The following OTUD7A variants were observed in gnomAD, a reference collection of about 807,000 sequenced individuals.
OTUD7A encodes the protein OTU deubiquitinase 7A, also known as OTU domain-containing protein 7A.
OTUD7A carries 12 observed loss-of-function variants against 65.7 expected under a neutral mutation model. That is an observed-to-expected ratio of 0.18 (90% CI 0.12 to 0.30). The LOEUF (loss-of-function observed/expected upper bound fraction) is 0.30. OTUD7A is among the 10% of genes least tolerant of loss of function. The probability of loss-of-function intolerance (pLI) is 1.00; values close to 1 mark genes in which losing one functional copy is unlikely to be tolerated. For missense variants in OTUD7A, 1,148 were observed against 1,304.8 expected, an observed-to-expected ratio of 0.88 and a Z score of 1.85; for synonymous variants, 641 against 586.3, an observed-to-expected ratio of 1.09 and a Z score of -1.35.
intron 1 of OTUD7A, among the ~76,000 whole-genome samples, chr15:31,860,619 G>A (rs1353485365): frequency 3.8e-5 from 1 of 26,250 alleles, no homozygotes; most frequent in Non-Finnish European, 9.9e-5. Context: ...CCCCAGAAGT[G>A]GAGATATATA....
intron 3 of OTUD7A, among the ~76,000 whole-genome samples, chr15:31,652,208 TCA>T (rs1891861006): frequency 6.6e-6 from 1 of 152,220 alleles, no homozygotes; most frequent in Non-Finnish European, 1.5e-5. Context: ...TGGCTTTTCG[TCA>T]AATTGCAAAG....
intron 1 of OTUD7A, among the ~76,000 whole-genome samples, chr15:31,697,769 GC>G (rs2141324615): frequency 6.6e-6 from 1 of 152,302 alleles, no homozygotes; most frequent in Non-Finnish European, 1.5e-5. Context: ...GAGACAACCT[GC>G]CCAGGGTCAC....
chr15:31,645,636 T>C (rs1891639888), intron 3 of OTUD7A, among the ~76,000 whole-genome samples: 2 of 152,252 alleles, frequency 1.3e-5, no homozygotes, highest in Admixed American at 1.3e-4. Flanking sequence ...AAATATCCAG[T>C]AAATGTTAAG....
In OTUD7A at chr15:31,737,944, T is replaced by A. The variant is rs140400218; in HGVS notation, c.-99-80867A>T. Reference sequence around the variant, plus strand: ...TTATAAAAGTGCATATTTATGTTCATAAATGTATAGGTGTAGCTGGTAGTT... The same window carrying A: ...TTATAAAAGTGCATATTTATGTTCAAAAATGTATAGGTGTAGCTGGTAGTT... On this transcript the variant is annotated intron_variant, in intron 1 of 12. Coordinates refer to ENST00000307050, the MANE Select transcript of OTUD7A (RefSeq NM_001382637.1). 5.0e-3 allele frequency among the ~76,000 whole-genome samples: 767 copies of A among 152,350 alleles called. 6 individuals carry two copies. Among genetic ancestry groups the A allele is most frequent in the African/African-American group, 0.016 (680 of 41,580 alleles).
intron 1 of OTUD7A, among the ~76,000 whole-genome samples, chr15:31,736,176 T>C (rs1040066271): frequency 6.6e-5 from 10 of 152,146 alleles, no homozygotes; most frequent in East Asian, 5.8e-4. Context: ...AAGTTTACCT[T>C]TGTAACAAAC....
chr15:31,728,459 A>G (rs754034541), intron 1 of OTUD7A, among the ~76,000 whole-genome samples: 2 of 152,178 alleles, frequency 1.3e-5, no homozygotes, highest in Admixed American at 6.5e-5. Flanking sequence ...TTAATTCTAC[A>G]GTTACAGAGA....
At chr15:31,579,128 A>G (rs1401113458) in intron 3 of OTUD7A, among the ~76,000 whole-genome samples, 1 of 152,224 alleles carries the variant, frequency 6.6e-6, no homozygotes, top group Non-Finnish European at 1.5e-5. Context: ...CTCATATCAC[A>G]TACAAGAGGT....
At chr15:31,758,667 G>A (rs1894879488) in intron 1 of OTUD7A, among the ~76,000 whole-genome samples, 2 of 152,180 alleles carry the variant, frequency 1.3e-5, no homozygotes, top group South Asian at 4.1e-4. Flanking sequence ...CCCATAGTGG[G>A]GAGGATTATT....
intron 1 of OTUD7A, chr15:31,766,358 TAACA>T: frequency 6.3e-7 from 1 of 1,592,578 alleles, no homozygotes; most frequent in Middle Eastern, 1.7e-4. Flanking sequence ...GTGGGGGAAA[TAACA>T]AACAACATAA....
At chr15:31,593,124 A>C (rs922327107) in intron 3 of OTUD7A, among the ~76,000 whole-genome samples, 2 of 151,770 alleles carry the variant, frequency 1.3e-5, no homozygotes, top group Non-Finnish European at 1.5e-5. Context: ...CAGTAGATTT[A>C]TTTGCAGCAT....
At chr15:31,537,285 C>A (rs1297350010) in intron 5 of OTUD7A, among the ~76,000 whole-genome samples, 1 of 152,170 alleles carries the variant, frequency 6.6e-6, no homozygotes, top group Admixed American at 6.5e-5. Context: ...GGTTAAGATT[C>A]AGTGATTCCA....
At chr15:31,582,979 T>C (rs1889417246) in intron 3 of OTUD7A, among the ~76,000 whole-genome samples, 1 of 152,176 alleles carries the variant, frequency 6.6e-6, no homozygotes, top group African/African-American at 2.4e-5. Flanking sequence ...AAGAAGGAAG[T>C]TGCATGTACA....
chr15:31,852,820 C>A (rs1897464167), intron 1 of OTUD7A, among the ~76,000 whole-genome samples: 1 of 152,194 alleles, frequency 6.6e-6, no homozygotes, highest in Admixed American at 6.5e-5. Context: ...ATTTAATATT[C>A]ATTACATTAA....
chr15:31,807,746 A>G (rs1896307530), intron 1 of OTUD7A, among the ~76,000 whole-genome samples: 1 of 152,042 alleles, frequency 6.6e-6, no homozygotes, highest in African/African-American at 2.4e-5. Context: ...TTTGATTAAG[A>G]TGCTTTCATT....
At chr15:31,535,918 G>A (rs1012502236) in intron 5 of OTUD7A, among the ~76,000 whole-genome samples, 6 of 151,934 alleles carry the variant, frequency 3.9e-5, no homozygotes, top group African/African-American at 1.5e-4. Context: ...CTGACCTCGT[G>A]ATCCGCCCAC....
intron 4 of OTUD7A, 36 bp from the exon 5 acceptor site, chr15:31,559,223 G>A: frequency 6.3e-7 from 1 of 1,587,508 alleles, no homozygotes; most frequent in Non-Finnish European, 8.6e-7. Context: ...CCCAAGGGCT[G>A]AGTGGGTGTA....
At position 31,601,488 on chromosome 15, in the gene OTUD7A, T is replaced by C. The variant is rs372469784; in HGVS notation, c.152-31291A>G. Among the ~76,000 whole-genome samples the C allele has an allele frequency of 1.8e-4, 28 of 152,256 alleles. 1 individual carries two copies. The East Asian group carries it at 1.9e-3, about 10-fold the overall frequency. On this transcript the variant is annotated intron_variant, in intron 3 of 12. Transcript: ENST00000307050. ...GTAGAGGGAAATTTATAGCACTAAA[T>C]GCCCACAAGAGAAAGCAGGAAAGAT...
In OTUD7A at chr15:31,511,427, T is replaced by A. The variant is rs1251149634; in HGVS notation, c.894-7609A>T. The stretch of plus-strand genomic sequence containing the variant: ...TATCTATATGTAACACACACATATA[T>A]GTATATCTATATGTAACACACACAT... On this transcript the variant is annotated intron_variant, in intron 8 of 12. Coordinates refer to ENST00000307050, the MANE Select transcript of OTUD7A (RefSeq NM_001382637.1). 7.2e-4 allele frequency among the ~76,000 whole-genome samples: 3 copies of A among 4,148 alleles called. 1 individual carries two copies. The highest frequency in any genetic ancestry group is 7.6e-3 in the African/African-American group (2 of 264). 2.7% of individuals were successfully genotyped at this position (4,148 alleles called of 152,430 possible). A position where few individuals can be genotyped will look rare whatever the true frequency, so the allele number is the denominator to read the frequency against.
chr15:31,746,507 A>ATTT (rs33918687), intron 1 of OTUD7A, among the ~76,000 whole-genome samples: 317 of 143,516 alleles, frequency 2.2e-3, no homozygotes, highest in Non-Finnish European at 3.2e-3. Context: ...GTTTTTACAT[A>ATTT]TTTTTTTTTT....
Sources: allele counts gnomAD v4.1 joint callset (sites outside exome capture counted in the v4.1 genomes callset), GRCh38; gene constraint gnomAD v4.1.1; transcripts MANE v1.5; gene names NCBI Gene and HGNC (gene_info 2026-07-23, HGNC 2026-07-21).